Variants in NMNAT3 observed in about 807,000 individuals in gnomAD.
The protein encoded by NMNAT3 is nicotinamide/nicotinic acid mononucleotide adenylyltransferase 3.
A neutral mutation model predicts 24.8 loss-of-function variants in NMNAT3; 21 were observed. The observed-to-expected ratio is 0.85, with a 90% CI of 0.60 to 1.22. The LOEUF (loss-of-function observed/expected upper bound fraction) is 1.22, where lower values mean the gene tolerates loss of function less well. Among genes scored for constraint, NMNAT3 ranks in the 50% most tolerant of loss-of-function variants. The pLI is 0.00. For missense variants in NMNAT3, 387 were observed against 436.6 expected (o/e 0.89, Z 1.01); for synonymous variants, 136 against 155.2 (o/e 0.88, Z 0.92).
At chr3:139,656,858 C>T (rs975974873) in intron 1 of NMNAT3, among the ~76,000 whole-genome samples, 2 of 152,154 alleles carry the variant, frequency 1.3e-5, no homozygotes, top group African/African-American at 4.8e-5. Context: ...TTATTATTTT[C>T]ACATTTTGAA....
chr3:139,568,592 A>C (rs1282995793), intron 6 of NMNAT3: 1 of 152,026 alleles, frequency 6.6e-6, no homozygotes, highest in East Asian at 1.9e-4. Flanking sequence ...CCTTCATTTC[A>C]TTATTTACCC....
intron 3 of NMNAT3, among the ~76,000 whole-genome samples, chr3:139,620,556 A>G (rs2055721710): frequency 6.6e-6 from 1 of 152,152 alleles, no homozygotes; most frequent in African/African-American, 2.4e-5. Context: ...CTGTTTAACT[A>G]TTCACATGTT....
intron 3 of NMNAT3, among the ~76,000 whole-genome samples, chr3:139,609,023 C>G (rs1248599882): frequency 6.6e-6 from 1 of 152,216 alleles, no homozygotes; most frequent in Non-Finnish European, 1.5e-5. Flanking sequence ...TGGTGTTTTT[C>G]ACTCAGCATT....
rs2057528215 is a variant in NMNAT3, at chr3:139,664,906, C to T, written c.-141+12799G>A. On this transcript the variant is annotated intron_variant, in intron 1 of 6. Coordinates refer to ENST00000643695, the MANE Select transcript of NMNAT3 (RefSeq NM_001320510.2). ...AAGAGTCTGAGATTTAAGAATACTT[C>T]CTTGACAACCTAGCAAAAACAATAA... Among the ~76,000 whole-genome samples the T allele has an allele frequency of 2.6e-5, 4 of 152,260 alleles. 1 individual carries two copies. The South Asian group carries it at 8.3e-4, about 32-fold the overall frequency.
At chr3:139,596,775 C>T (rs912460778) in intron 3 of NMNAT3, among the ~76,000 whole-genome samples, 6 of 151,504 alleles carry the variant, frequency 4.0e-5, no homozygotes, top group Non-Finnish European at 5.9e-5. Flanking sequence ...CCATTTAGTC[C>T]AGCCTCAGAG....
Position 139,561,158 on chromosome 3 carries a change from T to C in NMNAT3, c.893A>G (p.Tyr298Cys). 6.2e-7 allele frequency: 1 copy of C among 1,614,152 alleles called. No individual in the cohort carries two copies. The highest frequency in any genetic ancestry group is 8.5e-7 in the Non-Finnish European group (1 of 1,180,036). ...CCCTTGGCCCAAGGCTCGCCTGATG[T>C]ATGTGGCACTGATCTCATTCTGCAC... The change falls in exon 7 of 7, where the codon TAC becomes TGC. Residue 298 changes from tyrosine to cysteine, a missense_variant. By Grantham distance (194) the Tyr-to-Cys change is radical. Transcript: ENST00000643695.
intron 3 of NMNAT3, among the ~76,000 whole-genome samples, chr3:139,604,521 G>A (rs139480977): frequency 1.4e-4 from 21 of 152,300 alleles, no homozygotes; most frequent in African/African-American, 4.1e-4. Context: ...TGAAAGGAGT[G>A]TGACTGTCAT....
chr3:139,643,063 G>A (rs1222806169), intron 1 of NMNAT3, among the ~76,000 whole-genome samples: 1 of 152,212 alleles, frequency 6.6e-6, no homozygotes, highest in African/African-American at 2.4e-5. Flanking sequence ...CAAAGGACTT[G>A]AGTAGACATT....
chr3:139,638,386 A>G (rs1165940610), intron 1 of NMNAT3, among the ~76,000 whole-genome samples: 2 of 151,986 alleles, frequency 1.3e-5, no homozygotes, highest in Admixed American at 1.3e-4. Context: ...CAAGGCCCCC[A>G]CTCCAGTCTA....
intron 1 of NMNAT3, among the ~76,000 whole-genome samples, chr3:139,659,509 A>G (rs879676111): frequency 8.5e-5 from 13 of 152,346 alleles, no homozygotes; most frequent in Non-Finnish European, 1.5e-4. Flanking sequence ...TAGTTTTCCT[A>G]CATGCAAGGG....
At chr3:139,643,768 T>C (rs2056784436) in intron 1 of NMNAT3, among the ~76,000 whole-genome samples, 1 of 152,184 alleles carries the variant, frequency 6.6e-6, no homozygotes, top group African/African-American at 2.4e-5. Context: ...GTATAGACTT[T>C]TAGTTTTGCG....
At chr3:139,565,833 G>A (rs1937111167) in intron 6 of NMNAT3, 1 of 152,186 alleles carries the variant, frequency 6.6e-6, no homozygotes, top group Admixed American at 6.5e-5. Flanking sequence ...ACGTGTGCAT[G>A]TGTCTTTATA....
At chr3:139,595,294 G>C (rs372609858) in intron 3 of NMNAT3, among the ~76,000 whole-genome samples, 1 of 152,264 alleles carries the variant, frequency 6.6e-6, no homozygotes. Flanking sequence ...ACAAACCACT[G>C]CTCAAGGAAA....
At chr3:139,574,206 ATAGGG>A (rs1360270681) in intron 5 of NMNAT3, among the ~76,000 whole-genome samples, 2 of 152,234 alleles carry the variant, frequency 1.3e-5, no homozygotes, top group Non-Finnish European at 2.9e-5. Context: ...TTAGAAGGCA[ATAGGG>A]TGATGGCCAA....
intron 1 of NMNAT3, among the ~76,000 whole-genome samples, chr3:139,649,504 T>C (rs1035158825): frequency 6.6e-6 from 1 of 152,184 alleles, no homozygotes; most frequent in South Asian, 2.1e-4. Flanking sequence ...ATTGACTCAG[T>C]TTCACACAAA....
chr3:139,676,955 C>A (rs1204432541), intron 1 of NMNAT3, among the ~76,000 whole-genome samples: 1 of 152,168 alleles, frequency 6.6e-6, no homozygotes. Flanking sequence ...TCACCATTTC[C>A]ATTCTCAATG....
intron 1 of NMNAT3, among the ~76,000 whole-genome samples, chr3:139,653,248 T>C (rs1268065987): frequency 1.3e-5 from 2 of 152,164 alleles, no homozygotes; most frequent in Non-Finnish European, 2.9e-5. Flanking sequence ...AAGGTGTGTG[T>C]GTGTTTCTTA....
chr3:139,646,149 A>G (rs571226188), intron 1 of NMNAT3, among the ~76,000 whole-genome samples: 1 of 152,266 alleles, frequency 6.6e-6, no homozygotes, highest in African/African-American at 2.4e-5. Context: ...ATACTACTTG[A>G]GTTTTAAAAA....
intron 1 of NMNAT3, among the ~76,000 whole-genome samples, chr3:139,654,701 A>C (rs2057178021): frequency 6.6e-6 from 1 of 152,242 alleles, no homozygotes; most frequent in Non-Finnish European, 1.5e-5. Flanking sequence ...TGGCTGTGGA[A>C]TGCATTATAG....
Sources: gnomAD v4.1 joint callset for allele counts (sites outside exome capture counted in the v4.1 genomes callset) on GRCh38, gnomAD v4.1.1 for gene constraint, MANE v1.5 for transcripts, NCBI Gene and HGNC (gene_info 2026-07-23, HGNC 2026-07-21) for gene names.